Variants in GLS observed in about 807,000 individuals in gnomAD.
GLS encodes glutaminase kidney isoform, mitochondrial.
GLS carries 36 observed loss-of-function variants against 86.7 expected under a neutral mutation model. The observed-to-expected ratio is 0.42, with a 90% CI of 0.32 to 0.55. The LOEUF is 0.55. Ranked by LOEUF, GLS falls within the 20% of genes least tolerant of loss-of-function variation. The pLI, the probability that GLS is intolerant of heterozygous loss-of-function variation, is 0.17. For missense variants in GLS, 528 were observed against 833.4 expected (o/e 0.63, Z 4.51); for synonymous variants, 317 against 305.9 (o/e 1.04, Z -0.38).
Position 190,913,008 on chromosome 2 carries a change from G to C in GLS, c.1038+2687G>C, listed in dbSNP as rs971872045. Among the ~76,000 whole-genome samples the C allele has an allele frequency of 6.6e-6, 1 of 150,916 alleles. No homozygotes were observed. The highest frequency in any genetic ancestry group is 2.4e-5 in the African/African-American group (1 of 41,044). ...CTACTAGAGGTGAATTCTGTTTTTAGCTCTTTTAATTGATGACCTTAAGGC... is the reference window on the plus strand; with the variant it reads ...CTACTAGAGGTGAATTCTGTTTTTACCTCTTTTAATTGATGACCTTAAGGC... On this transcript the variant is annotated intron_variant, in intron 7 of 17. Transcript: ENST00000320717. This position sits in a 1 kb window ranked among gnomAD's most constrained non-coding sequence, Gnocchi z 6.1.
Position 190,913,140 on chromosome 2 carries a change from T to C in GLS, c.1038+2819T>C. On this transcript the variant is annotated intron_variant, in intron 7 of 17. Coordinates refer to ENST00000320717, the MANE Select transcript of GLS (RefSeq NM_014905.5). This position sits in a 1 kb window ranked among gnomAD's most constrained non-coding sequence, Gnocchi z 6.1. Reference sequence around the variant, plus strand: ...CCACCCCAAAATTAAGTAGAGTCTTTAGTAAGACTCTTGATTTCATAATTT... The same window carrying C: ...CCACCCCAAAATTAAGTAGAGTCTTCAGTAAGACTCTTGATTTCATAATTT... The C allele has an allele frequency of 7.8e-7, 1 of 1,278,886 alleles. No homozygotes were observed. The highest frequency in any genetic ancestry group is 1.0e-6 in the Non-Finnish European group (1 of 965,926). The allele number at this position is 1,278,886 out of a possible 1,614,324, so 79.2% of individuals were successfully genotyped here. A position where few individuals can be genotyped will look rare whatever the true frequency, so the allele number is the denominator to read the frequency against.
intron 7 of GLS, among the ~76,000 whole-genome samples, chr2:190,912,836 C>T (rs1025317665): frequency 1.8e-4 from 28 of 152,126 alleles, no homozygotes; most frequent in African/African-American, 6.0e-4. Context: ...CTGGTTCAAA[C>T]GATAACAATT....
At chr2:190,912,377 A>G (rs1290714495) in intron 7 of GLS, among the ~76,000 whole-genome samples, 2 of 142,950 alleles carry the variant, frequency 1.4e-5, no homozygotes, top group Non-Finnish European at 3.0e-5. Flanking sequence ...TGAAGTTCAT[A>G]CAAATCTTGG....
At chr2:190,926,015 A>G (rs1689884355) in intron 11 of GLS, among the ~76,000 whole-genome samples, 1 of 152,150 alleles carries the variant, frequency 6.6e-6, no homozygotes, top group Admixed American at 6.5e-5. Context: ...TTTGGCTGTT[A>G]TAGAATCTAC....
intron 7 of GLS, 39 bp downstream of exon 7, chr2:190,910,360 T>A (rs754663894): frequency 8.7e-7 from 1 of 1,144,778 alleles, no homozygotes; most frequent in African/African-American, 1.6e-5. Context: ...AGTAAAACTT[T>A]TTTTTTTTAA....
intron 13 of GLS, 118 bp from the exon 14 acceptor site, chr2:190,931,427 A>G (rs372255479): frequency 2.2e-6 from 1 of 465,004 alleles, no homozygotes; most frequent in Non-Finnish European, 3.9e-6. Flanking sequence ...ATACTACTTT[A>G]TTAGCATGTA....
Position 190,928,723 on chromosome 2 carries a change from T to A in GLS, c.1425+1241T>A, listed in dbSNP as rs575342183. Among the ~76,000 whole-genome samples, 634 of 150,722 alleles carry A rather than the reference T, an allele frequency of 4.2e-3. 3 individuals are homozygous for A. Among genetic ancestry groups the A allele is most frequent in the South Asian group, 7.7e-3 (37 of 4,784 alleles). On this transcript the variant is annotated intron_variant, in intron 12 of 17. Transcript: ENST00000320717. The stretch of plus-strand genomic sequence containing the variant: ...GTTTTGTCTCCTTTTTTTTTTTTTT[T>A]AAATCTATTGGTCTTCTTTTGACCT...
intron 7 of GLS, chr2:190,919,688 C>T (rs1316304251): frequency 4.8e-6 from 4 of 835,422 alleles, no homozygotes; most frequent in East Asian, 1.2e-4. Flanking sequence ...GTAATTTCTT[C>T]TTTTAATTAT....
chr2:190,904,855 A>G (rs1574577422), intron 5 of GLS, 149 bp from the exon 6 acceptor site: 4 of 616,482 alleles, frequency 6.5e-6, no homozygotes, highest in East Asian at 5.5e-5. Flanking sequence ...CTGTACTTAA[A>G]TTTATTCTGT....
rs2124963060 is a variant in GLS, at chr2:190,963,894, C to CT, written c.*911dup. Reference sequence around the variant, plus strand: ...AACGAAGGGATGTGCAACTGCAGCTCTTTAAGAAGTTTTTTTTTTTTAGCT... The same window carrying CT: ...AACGAAGGGATGTGCAACTGCAGCTCTTTTAAGAAGTTTTTTTTTTTTAGCT... On this transcript the variant is annotated 3_prime_UTR_variant, in exon 18 of 18. Coordinates refer to ENST00000320717, the MANE Select transcript of GLS (RefSeq NM_014905.5). 1.3e-5 allele frequency: 2 copies of CT among 151,722 alleles called. No homozygotes were observed. The highest frequency in any genetic ancestry group is 1.9e-4 in the East Asian group (1 of 5,150). 9.4% of individuals were successfully genotyped at this position (151,722 alleles called of 1,614,324 possible).
intron 1 of GLS, among the ~76,000 whole-genome samples, chr2:190,885,742 G>A (rs1040747890): frequency 6.6e-6 from 1 of 151,964 alleles, no homozygotes; most frequent in Non-Finnish European, 1.5e-5. Context: ...AAGGTGGAAA[G>A]TATGTTTAAT....
intron 7 of GLS, among the ~76,000 whole-genome samples, chr2:190,915,861 T>C (rs1574589828): frequency 6.6e-6 from 1 of 152,318 alleles, no homozygotes; most frequent in East Asian, 1.9e-4. Context: ...TTGTTTCCAG[T>C]TCTTTGGTTT....
Position 190,897,295 on chromosome 2 carries a change from G to C in GLS, c.605+1570G>C, listed in dbSNP as rs771510631. Among the ~76,000 whole-genome samples, 11 of 151,956 alleles carry C rather than the reference G, an allele frequency of 7.2e-5. No individual in the cohort carries two copies. The highest frequency in any genetic ancestry group is 1.5e-4 in the Non-Finnish European group (10 of 67,998). ...CCGCCTCGGCCTCCTAAAGTTACACGGTTTTAATACTTGAAAAAATATTTA... is the reference window on the plus strand; with the variant it reads ...CCGCCTCGGCCTCCTAAAGTTACACCGTTTTAATACTTGAAAAAATATTTA... On this transcript the variant is annotated intron_variant, in intron 3 of 17. Transcript: ENST00000320717. This position sits in a 1 kb window ranked among gnomAD's most constrained non-coding sequence, Gnocchi z 4.3.
At chr2:190,889,842 C>CTATA (rs1195649751) in intron 1 of GLS, among the ~76,000 whole-genome samples, 1 of 152,112 alleles carries the variant, frequency 6.6e-6, no homozygotes, top group African/African-American at 2.4e-5. Flanking sequence ...TGAATTTGTG[C>CTATA]TATAAAGTCC....
intron 1 of GLS, among the ~76,000 whole-genome samples, chr2:190,882,484 T>C (rs775826843): frequency 1.3e-5 from 2 of 152,244 alleles, no homozygotes; most frequent in Admixed American, 1.3e-4. Context: ...CTTACTCTTT[T>C]TCTGGCTTTG....
intron 14 of GLS, among the ~76,000 whole-genome samples, chr2:190,940,851 A>G (rs542558225): frequency 8.0e-4 from 121 of 151,998 alleles, no homozygotes; most frequent in Admixed American, 1.5e-3. Flanking sequence ...CCTCTATATA[A>G]ATGAAAATGT....
At position 190,905,359 on chromosome 2, in the gene GLS, G is replaced by A; in HGVS notation, c.979+192G>A. On this transcript the variant is annotated intron_variant, in intron 6 of 17. Transcript: ENST00000320717. This position sits in a 1 kb window ranked among gnomAD's most constrained non-coding sequence, Gnocchi z 4.6. ...GGCATCTCATACCACTGGGAAGTGG[G>A]CTAGGGAGAACATGAACTTCTCTCT... is the stretch of plus-strand genomic sequence containing the variant. 2.1e-6 allele frequency: 1 copy of A among 468,272 alleles called. No homozygotes were observed. Among genetic ancestry groups the A allele is most frequent in the East Asian group, 3.6e-5 (1 of 27,632 alleles). 29.0% of individuals were successfully genotyped at this position (468,272 alleles called of 1,614,324 possible). A position where few individuals can be genotyped will look rare whatever the true frequency, so the allele number is the denominator to read the frequency against.
At chr2:190,922,960 G>C (rs1295008463) in intron 9 of GLS, among the ~76,000 whole-genome samples, 1 of 152,006 alleles carries the variant, frequency 6.6e-6, no homozygotes, top group East Asian at 1.9e-4. Flanking sequence ...ATCCTCTCAG[G>C]CTATGTTAGA....
chr2:190,927,170 C>A, intron 11 of GLS, 136 bp from the exon 12 acceptor site: 1 of 739,518 alleles, frequency 1.4e-6, no homozygotes, highest in Non-Finnish European at 2.1e-6. Context: ...TCAGAATGTC[C>A]TCAAGTTTAT....
Sources: gnomAD v4.1 joint callset for allele counts (sites outside exome capture counted in the v4.1 genomes callset) on GRCh38, gnomAD v4.1.1 for gene constraint, Gnocchi (gnomAD v3.1) non-coding constraint, MANE v1.5 for transcripts, NCBI Gene and HGNC (gene_info 2026-07-23, HGNC 2026-07-21) for gene names.